Variants in CCDC81 observed in about 807,000 individuals in gnomAD.
CCDC81 encodes the protein coiled-coil domain containing 81, also known as coiled-coil domain-containing protein 81.
Under a neutral mutation model 83.7 loss-of-function variants are expected in CCDC81, and 79 were observed. The observed-to-expected ratio is 0.94, with a 90% CI of 0.79 to 1.14. CCDC81 has a LOEUF of 1.14. Among genes scored for constraint, CCDC81 ranks in the 50% most tolerant of loss-of-function variants. The pLI, the probability that CCDC81 is intolerant of heterozygous loss-of-function variation, is 0.00. For synonymous variants in CCDC81, 252 were observed against 278.1 expected, an observed-to-expected ratio of 0.91 and a Z score of 0.93; for missense variants, 791 against 778.1, an observed-to-expected ratio of 1.02 and a Z score of -0.20.
chr11:86,407,545 T>G (rs1361945702), intron 7 of CCDC81, 69 bp from the exon 8 acceptor site: 1 of 1,027,254 alleles, frequency 9.7e-7, no homozygotes, highest in Non-Finnish European at 1.5e-6. Context: ...TATACTTGCC[T>G]CTAAAATTAT....
At position 86,397,608 on chromosome 11, in the gene CCDC81, G is replaced by T; in HGVS notation, c.636-13G>T. 6.2e-7 allele frequency: 1 copy of T among 1,606,436 alleles called. No homozygotes were observed. The highest frequency in any genetic ancestry group is 8.5e-7 in the Non-Finnish European group (1 of 1,177,316). ...GTTCAGTGCAGCAGAAAAACATATTGGCTCATTCCTAGGATTGAGCTCAAG... is the reference window on the plus strand; with the variant it reads ...GTTCAGTGCAGCAGAAAAACATATTTGCTCATTCCTAGGATTGAGCTCAAG... On this transcript the variant is annotated splice_polypyrimidine_tract_variant and intron_variant, in intron 5 of 14. Coordinates refer to ENST00000445632, the MANE Select transcript of CCDC81 (RefSeq NM_001156474.2).
At chr11:86,400,649 C>T (rs371316868) in intron 6 of CCDC81, 29 bp from the exon 7 acceptor site, 1 of 1,567,260 alleles carries the variant, frequency 6.4e-7, no homozygotes, top group Non-Finnish European at 8.7e-7. Context: ...TGAAAGGAGA[C>T]TCGTTTTCAT....
intron 1 of CCDC81, 43 bp from the exon 2 acceptor site, chr11:86,386,008 G>A (rs1948236408): frequency 1.1e-6 from 1 of 936,754 alleles, no homozygotes; most frequent in Non-Finnish European, 1.7e-6. Flanking sequence ...TCACATGGGT[G>A]CGCATATAAA....
intron 3 of CCDC81, among the ~76,000 whole-genome samples, chr11:86,388,571 C>G (rs1948280617): frequency 6.6e-6 from 1 of 152,160 alleles, no homozygotes; most frequent in Non-Finnish European, 1.5e-5. Context: ...TTCAGAGTCA[C>G]TTGAGTAACT....
chr11:86,413,250 A>T (rs1384209064), intron 11 of CCDC81, among the ~76,000 whole-genome samples: 1 of 151,838 alleles, frequency 6.6e-6, no homozygotes, highest in Non-Finnish European at 1.5e-5. Context: ...TCCTCTGCTG[A>T]TGTGTTTCTC....
At chr11:86,382,603 G>C (rs968577598) in intron 1 of CCDC81, among the ~76,000 whole-genome samples, 3 of 152,146 alleles carry the variant, frequency 2.0e-5, no homozygotes, top group Non-Finnish European at 4.4e-5. Flanking sequence ...ATCTCAAAGA[G>C]GGGGTGGCAA....
rs775841655 is a variant in CCDC81, at chr11:86,386,062, A to T, written c.91A>T (p.Ile31Phe). The change falls in exon 2 of 15, where the codon ATC (isoleucine) becomes TTC (phenylalanine). Residue 31 changes from isoleucine (I) to phenylalanine (F), a missense_variant. Transcript: ENST00000445632. ...PSLSQEEVSI[I>F]WGNVSEFVRR... ...CTTTTGAATTTCAGAAGTCTCTATT[A>T]TCTGGGGGAATGTATCAGAATTTGT... 1 of 1,525,708 alleles carries T rather than the reference A, an allele frequency of 6.6e-7. No homozygotes were observed. The highest frequency in any genetic ancestry group is 8.9e-7 in the Non-Finnish European group (1 of 1,122,552). The allele number at this position is 1,525,708 out of a possible 1,614,324, so 94.5% of individuals were successfully genotyped here.
chr11:86,392,442 G>T, intron 3 of CCDC81, 99 bp from the exon 4 acceptor site: 1 of 1,332,176 alleles, frequency 7.5e-7, no homozygotes, highest in Non-Finnish European at 1.0e-6. Flanking sequence ...TCTATTTTAG[G>T]GCATTGAGAA....
rs757836534 is a variant in CCDC81 at position 86,386,127 on chromosome 11, T to C, written c.141+15T>C. ...CCCTGCACAAGGTAAGATTTATTAATTTATTAATTTATTAATAAATTAATT... is the reference window on the plus strand; with the variant it reads ...CCCTGCACAAGGTAAGATTTATTAACTTATTAATTTATTAATAAATTAATT... On this transcript the variant is annotated intron_variant, in intron 2 of 14. Transcript: ENST00000445632. The C allele has an allele frequency of 1.1e-6, 1 of 904,800 alleles. No homozygotes were observed. Among genetic ancestry groups the C allele is most frequent in the South Asian group, 3.2e-5 (1 of 31,058 alleles). 56.0% of individuals were successfully genotyped at this position (904,800 alleles called of 1,614,324 possible). A position where few individuals can be genotyped will look rare whatever the true frequency, so the allele number is the denominator to read the frequency against.
At chr11:86,385,329 G>A (rs936661539) in intron 1 of CCDC81, among the ~76,000 whole-genome samples, 1 of 152,088 alleles carries the variant, frequency 6.6e-6, no homozygotes, top group Non-Finnish European at 1.5e-5. Flanking sequence ...AGGTTGCAGT[G>A]AGCCGAGATC....
chr11:86,415,493 G>A (rs1273065817), intron 13 of CCDC81, among the ~76,000 whole-genome samples, 180 bp downstream of exon 13: 1 of 152,090 alleles, frequency 6.6e-6, no homozygotes, highest in Non-Finnish European at 1.5e-5. Flanking sequence ...CTTATTACAT[G>A]CTTCATCTTG....
At chr11:86,408,353 C>T (rs1386717257) in intron 9 of CCDC81, 83 bp downstream of exon 9, 1 of 1,332,566 alleles carries the variant, frequency 7.5e-7, no homozygotes, top group Non-Finnish European at 1.0e-6. Flanking sequence ...TTTTTATTGG[C>T]GCAGGGTCTC....
chr11:86,414,563 T>C (rs946760232), intron 11 of CCDC81: 2 of 461,524 alleles, frequency 4.3e-6, no homozygotes, highest in African/African-American at 4.0e-5. Flanking sequence ...CACTTCAGCC[T>C]CCCAAAGTGC....
chr11:86,393,526 T>A (rs768868880), intron 4 of CCDC81, among the ~76,000 whole-genome samples: 1 of 152,240 alleles, frequency 6.6e-6, no homozygotes, highest in Non-Finnish European at 1.5e-5. Flanking sequence ...AAGCCCAGAC[T>A]TCCTAACCAC....
chr11:86,405,645 G>T (rs1469010241), intron 7 of CCDC81, among the ~76,000 whole-genome samples: 1 of 151,874 alleles, frequency 6.6e-6, no homozygotes, highest in Non-Finnish European at 1.5e-5. Context: ...TTCCAAACCT[G>T]TATTTTTTTT....
chr11:86,417,060 A>G (rs1948729127), intron 13 of CCDC81, among the ~76,000 whole-genome samples: 1 of 152,092 alleles, frequency 6.6e-6, no homozygotes. Context: ...CCTGGGCAAC[A>G]TGGTGAAACC....
chr11:86,421,115 T>C (rs11234647), intron 14 of CCDC81, among the ~76,000 whole-genome samples: 13,816 of 152,154 alleles, frequency 0.091, 1,198 homozygotes, highest in African/African-American at 0.23. Context: ...CTAGGCCAAG[T>C]GTGGACAGAG....
rs1190294436 is a variant in CCDC81, at chr11:86,415,101, CA to C, written c.1482del (p.Lys494AsnfsTer24). 1.9e-6 allele frequency: 3 copies of C among 1,613,978 alleles called. No individual in the cohort carries two copies. The Admixed American group carries it at 5.0e-5, about 27-fold the overall frequency. ...KRALDAQIKNKPSRLPPFEPD... is the reference protein window; with the variant it reads ...KRALDAQIKNXPSRLPPFEPD... ...GTGTATCTCTGTTTAAGATAAAGAA[CA>C]AACCCTCTCGGCTGCCCCCCTTTGA... On this transcript the variant is annotated frameshift_variant, in exon 13 of 15. Coordinates refer to ENST00000445632, the MANE Select transcript of CCDC81 (RefSeq NM_001156474.2). LOFTEE classifies it high-confidence loss of function.
At chr11:86,394,726 A>G (rs1340160526) in intron 4 of CCDC81, among the ~76,000 whole-genome samples, 1 of 152,202 alleles carries the variant, frequency 6.6e-6, no homozygotes, top group Non-Finnish European at 1.5e-5. Flanking sequence ...ATAATTTTAT[A>G]TATTATTCTA....
Sources: gnomAD v4.1 joint callset for allele counts (sites outside exome capture counted in the v4.1 genomes callset) on GRCh38, gnomAD v4.1.1 for gene constraint, MANE v1.5 for transcripts, NCBI Gene and HGNC (gene_info 2026-07-23, HGNC 2026-07-21) for gene names.